MAGI2: variants seen among roughly 807,000 people sequenced by gnomAD.
The protein encoded by MAGI2 is membrane associated guanylate kinase, WW and PDZ domain containing 2, also known as membrane-associated guanylate kinase, WW and PDZ domain-containing protein 2.
MAGI2 carries 35 observed loss-of-function variants against 133.3 expected under a neutral mutation model. That is an observed-to-expected ratio of 0.26 (90% CI 0.20 to 0.35). The LOEUF is 0.35. Ranked by LOEUF, MAGI2 falls within the 10% of genes least tolerant of loss-of-function variation. The pLI, the probability that MAGI2 is intolerant of heterozygous loss-of-function variation, is 1.00. For missense variants in MAGI2, 1,636 were observed against 1,863.4 expected (o/e 0.88, Z 2.25); for synonymous variants, 729 against 710.6 (o/e 1.03, Z -0.41).
intron 2 of MAGI2, among the ~76,000 whole-genome samples, chr7:78,628,313 A>G (rs1184297679): frequency 6.6e-6 from 1 of 152,210 alleles, no homozygotes; most frequent in Non-Finnish European, 1.5e-5. Flanking sequence ...AGCCAGATAT[A>G]TAAGGTAGTA....
chr7:78,328,099 G>C (rs558536578), intron 9 of MAGI2, among the ~76,000 whole-genome samples: 1 of 152,220 alleles, frequency 6.6e-6, no homozygotes, highest in East Asian at 1.9e-4. Flanking sequence ...GGCAATCCTA[G>C]AAACTGCCTC....
At chr7:78,999,561 A>T (rs889083091) in intron 2 of MAGI2, among the ~76,000 whole-genome samples, 7 of 152,204 alleles carry the variant, frequency 4.6e-5, no homozygotes, top group Non-Finnish European at 1.5e-5. Context: ...ATGACATGAA[A>T]CTAGATCTTA....
At position 78,728,840 on chromosome 7, in the gene MAGI2, CA is replaced by C. The variant is rs1305972391; in HGVS notation, c.419-101602del. On this transcript the variant is annotated intron_variant, in intron 2 of 21. Coordinates refer to ENST00000354212, the MANE Select transcript of MAGI2 (RefSeq NM_012301.4). ...TCGGCCTCCCAAAGTGCTGGGATTA[CA>C]GGCGTGAGCCACCGCGCCCGGCCCC... Among the ~76,000 whole-genome samples, 54 of 124,514 alleles carry C rather than the reference CA, an allele frequency of 4.3e-4. 3 individuals are homozygous for C. The highest frequency in any genetic ancestry group is 1.3e-3 in the African/African-American group (48 of 36,220). The allele number at this position is 124,514 out of a possible 152,430, so 81.7% of individuals were successfully genotyped here. A position where few individuals can be genotyped will look rare whatever the true frequency, so the allele number is the denominator to read the frequency against.
intron 20 of MAGI2, among the ~76,000 whole-genome samples, chr7:78,091,895 C>T (rs149373499): frequency 3.3e-5 from 5 of 152,266 alleles, no homozygotes; most frequent in African/African-American, 1.2e-4. Flanking sequence ...AGCTTTAAAA[C>T]CCAGGTTCAT....
At chr7:78,057,977 G>GTGTATATATATATATATATATATATA (rs762943472) in intron 21 of MAGI2, among the ~76,000 whole-genome samples, 5 of 106,610 alleles carry the variant, frequency 4.7e-5, no homozygotes, top group African/African-American at 6.7e-5. Context: ...ATATATATGT[G>GTGTATATATATATATATATATATATA]TATATATATA....
intron 2 of MAGI2, among the ~76,000 whole-genome samples, chr7:78,752,167 T>C (rs1301318680): frequency 6.6e-6 from 1 of 152,246 alleles, no homozygotes; most frequent in Non-Finnish European, 1.5e-5. Context: ...TACTATTTCT[T>C]ATCTAAAGAC....
At chr7:78,889,779 A>C (rs186551958) in intron 2 of MAGI2, among the ~76,000 whole-genome samples, 11 of 152,338 alleles carry the variant, frequency 7.2e-5, no homozygotes, top group African/African-American at 2.6e-4. Flanking sequence ...AAAACATGCC[A>C]AATTGTGAAG....
chr7:78,288,295 A>C (rs1372757399), intron 9 of MAGI2, among the ~76,000 whole-genome samples: 1 of 152,190 alleles, frequency 6.6e-6, no homozygotes, highest in Non-Finnish European at 1.5e-5. Context: ...TTAAATAATA[A>C]AATCATACCT....
intron 3 of MAGI2, among the ~76,000 whole-genome samples, chr7:78,592,998 A>G (rs1804194771): frequency 6.6e-6 from 1 of 151,410 alleles, no homozygotes; most frequent in South Asian, 2.1e-4. Flanking sequence ...CACACCAAGC[A>G]TTTTTGTATT....
chr7:78,835,814 A>G (rs1791573761), intron 2 of MAGI2, among the ~76,000 whole-genome samples: 1 of 152,180 alleles, frequency 6.6e-6, no homozygotes, highest in South Asian at 2.1e-4. Context: ...ATTTCCTATG[A>G]CCAGAAGACA....
At chr7:79,183,934 G>A (rs1047020362) in intron 1 of MAGI2, among the ~76,000 whole-genome samples, 5 of 151,724 alleles carry the variant, frequency 3.3e-5, no homozygotes, top group Non-Finnish European at 7.4e-5. Flanking sequence ...ATTTTTTAAA[G>A]TTGACTTTAT....
intron 6 of MAGI2, among the ~76,000 whole-genome samples, chr7:78,390,811 G>T (rs11761763): frequency 1.3e-5 from 2 of 152,064 alleles, no homozygotes; most frequent in South Asian, 4.1e-4. Context: ...AAAATTAGCT[G>T]TAATTTATAT....
chr7:79,165,877 G>A (rs1585093412), intron 1 of MAGI2, among the ~76,000 whole-genome samples: 1 of 151,994 alleles, frequency 6.6e-6, no homozygotes, highest in Admixed American at 6.6e-5. Context: ...CTCTATAAAT[G>A]AGGAGCAATA....
intron 3 of MAGI2, among the ~76,000 whole-genome samples, chr7:78,561,587 G>A (rs2150739354): frequency 6.6e-6 from 1 of 152,274 alleles, no homozygotes; most frequent in Non-Finnish European, 1.5e-5. Context: ...TTTAGACCAA[G>A]GTGGAAGACT....
intron 21 of MAGI2, among the ~76,000 whole-genome samples, chr7:78,022,862 A>G (rs1278380665): frequency 2.0e-5 from 3 of 152,212 alleles, no homozygotes; most frequent in Non-Finnish European, 4.4e-5. Flanking sequence ...GATTCCTCTT[A>G]TAAAAGTTTC....
intron 1 of MAGI2, among the ~76,000 whole-genome samples, chr7:79,181,745 A>C (rs1826640951): frequency 6.6e-6 from 1 of 151,916 alleles, no homozygotes; most frequent in Admixed American, 6.6e-5. Flanking sequence ...TCCAAACTTT[A>C]TGTCCTGTTT....
chr7:79,281,860 C>T (rs1016940709), intron 1 of MAGI2, among the ~76,000 whole-genome samples: 2 of 152,084 alleles, frequency 1.3e-5, no homozygotes, highest in African/African-American at 4.8e-5. Context: ...TTGTCTAAAT[C>T]TTGAAAGAAT....
At chr7:79,029,596 G>T (rs528610492) in intron 1 of MAGI2, among the ~76,000 whole-genome samples, 1 of 152,230 alleles carries the variant, frequency 6.6e-6, no homozygotes, top group East Asian at 1.9e-4. Flanking sequence ...AAGTTATTTA[G>T]TGTAAAATGC....
intron 1 of MAGI2, among the ~76,000 whole-genome samples, chr7:79,288,714 G>T (rs1041601195): frequency 1.3e-5 from 2 of 152,050 alleles, no homozygotes; most frequent in Non-Finnish European, 2.9e-5. Context: ...GGGCTGCTTG[G>T]AGAAATACGA....
Sources: gnomAD v4.1 joint callset for allele counts (sites outside exome capture counted in the v4.1 genomes callset) on GRCh38, gnomAD v4.1.1 for gene constraint, MANE v1.5 for transcripts, NCBI Gene and HGNC (gene_info 2026-07-23, HGNC 2026-07-21) for gene names.